WDR27: variants seen among roughly 807,000 people sequenced by gnomAD.
WDR27 encodes WD repeat domain 27, also known as WD repeat-containing protein 27.
WDR27 carries 100 observed loss-of-function variants against 114.4 expected under a neutral mutation model. That is an observed-to-expected ratio of 0.87 (90% CI 0.74 to 1.03). The LOEUF is 1.03. Ranked by LOEUF, WDR27 falls within the 50% of genes least tolerant of loss-of-function variation. The pLI, the probability that WDR27 is intolerant of heterozygous loss-of-function variation, is 0.00. For synonymous variants in WDR27, 449 were observed against 423.1 expected (o/e 1.06, Z -0.75); for missense variants, 1,129 against 1,092.9 (o/e 1.03, Z -0.47).
At chr6:169,636,912 T>C (rs931023192) in intron 18 of WDR27, among the ~76,000 whole-genome samples, 3 of 152,198 alleles carry the variant, frequency 2.0e-5, no homozygotes, top group Non-Finnish European at 2.9e-5. Flanking sequence ...CTCAGCAAAC[T>C]CCTTCCTGAA....
intron 23 of WDR27, among the ~76,000 whole-genome samples, chr6:169,590,881 C>T (rs559728531): frequency 3.7e-4 from 56 of 152,294 alleles, no homozygotes; most frequent in Middle Eastern, 3.4e-3. Flanking sequence ...CTTATCCATT[C>T]CCCTGAGACG....
In WDR27 at chr6:169,640,410, A is replaced by G. The variant is rs899591619; in HGVS notation, c.1748-1750T>C. The stretch of plus-strand genomic sequence containing the variant: ...CAGGAAACGCAGAGCTGAAATTCAC[A>G]GCGCAGAAAAACGTGAAATAGCTTT... On this transcript the variant is annotated intron_variant, in intron 17 of 25. Coordinates refer to ENST00000448612, the MANE Select transcript of WDR27 (RefSeq NM_182552.5). 6.6e-5 allele frequency among the ~76,000 whole-genome samples: 10 copies of G among 152,270 alleles called. No homozygotes were observed. The South Asian group carries it at 1.2e-3, about 19-fold the overall frequency.
At position 169,496,968 on chromosome 6, in the gene WDR27, A is replaced by T. The variant is rs1447662644; in HGVS notation, c.2646-39334T>A. Among the ~76,000 whole-genome samples, 7 of 152,130 alleles carry T rather than the reference A, an allele frequency of 4.6e-5. No homozygotes were observed. The East Asian group carries it at 1.3e-3, about 29-fold the overall frequency. ...TAAAATTCAAATGGAGTCTCAAGAG[A>T]CTGTGAATAGCCAAAGCAATCTTGA... On this transcript the variant is annotated intron_variant, in intron 25 of 25. Transcript: ENST00000448612.
chr6:169,591,143 G>A (rs1024382220), intron 23 of WDR27, among the ~76,000 whole-genome samples: 2 of 152,082 alleles, frequency 1.3e-5, no homozygotes, highest in Non-Finnish European at 2.9e-5. Flanking sequence ...ATCATCACCT[G>A]TCTTTCTGAT....
intron 8 of WDR27, among the ~76,000 whole-genome samples, chr6:169,662,704 CACCCAGCA>C (rs1346568162): frequency 6.4e-5 from 9 of 139,562 alleles, no homozygotes; most frequent in African/African-American, 2.5e-4. Flanking sequence ...ACTAGGGTAA[CACCCAGCA>C]TGACGCGTGT....
chr6:169,647,650 C>G, intron 16 of WDR27, 123 bp downstream of exon 16: 1 of 942,640 alleles, frequency 1.1e-6, no homozygotes, highest in East Asian at 2.6e-5. Flanking sequence ...CATGCAACTT[C>G]AAGTAACCAA....
intron 25 of WDR27, among the ~76,000 whole-genome samples, chr6:169,516,788 A>ACACACACACAC (rs1491166898): frequency 8.4e-6 from 1 of 119,264 alleles, no homozygotes; most frequent in Admixed American, 8.9e-5. Flanking sequence ...GGCATGCTCC[A>ACACACACACAC]ACACACACAC....
chr6:169,580,968 T>TATATATATATATATAA (rs1803299302), intron 24 of WDR27, among the ~76,000 whole-genome samples: 1 of 147,588 alleles, frequency 6.8e-6, no homozygotes, highest in South Asian at 2.1e-4. Context: ...TATATATATA[T>TATATATATATATATAA]AAATTCGGTA....
chr6:169,561,434 C>A (rs1428750095), intron 25 of WDR27, among the ~76,000 whole-genome samples: 1 of 152,026 alleles, frequency 6.6e-6, no homozygotes, highest in African/African-American at 2.4e-5. Context: ...AATAATAGCA[C>A]CCAGCCTGGA....
Position 169,576,154 on chromosome 6 carries a change from T to C in WDR27, c.2524-3614A>G, listed in dbSNP as rs190362058. 6.3e-3 allele frequency among the ~76,000 whole-genome samples: 963 copies of C among 152,372 alleles called. 6 individuals are homozygous for C. The highest frequency in any genetic ancestry group is 6.9e-3 in the African/African-American group (286 of 41,592). On this transcript the variant is annotated intron_variant, in intron 24 of 25. Transcript: ENST00000448612. ...AATAACATTACAACATGAAATGTGG[T>C]AGAGTGTGTTCATGTTTGGAAATAT...
intron 21 of WDR27, among the ~76,000 whole-genome samples, chr6:169,617,433 T>C (rs149004407): frequency 2.3e-4 from 35 of 152,318 alleles, no homozygotes; most frequent in East Asian, 1.2e-3. Context: ...TGGAGTGCAA[T>C]GGCACGATCT....
At chr6:169,523,886 C>T (rs1473085020) in intron 25 of WDR27, among the ~76,000 whole-genome samples, 1 of 152,002 alleles carries the variant, frequency 6.6e-6, no homozygotes, top group African/African-American at 2.4e-5. Context: ...TGGAACAAAA[C>T]AAGAATCTCT....
At chr6:169,501,430 C>T (rs1031187978) in intron 25 of WDR27, among the ~76,000 whole-genome samples, 6 of 152,336 alleles carry the variant, frequency 3.9e-5, no homozygotes, top group Admixed American at 3.9e-4. Context: ...TGCTCCCAAC[C>T]TCACAGAGAG....
chr6:169,624,398 G>A (rs376590686), intron 21 of WDR27, among the ~76,000 whole-genome samples: 5 of 152,146 alleles, frequency 3.3e-5, no homozygotes, highest in African/African-American at 1.2e-4. Context: ...GAGATTCGAA[G>A]CTCACCAGAG....
chr6:169,462,394 G>A (rs1056709371), intron 25 of WDR27, among the ~76,000 whole-genome samples: 1 of 151,846 alleles, frequency 6.6e-6, no homozygotes, highest in African/African-American at 2.4e-5. Flanking sequence ...CTGAGATTGT[G>A]CCACTGCACT....
chr6:169,662,236 C>A lies in WDR27; in HGVS notation c.1025+68G>T. The stretch of plus-strand genomic sequence containing the variant: ...ATCTCAGTCATTCTTAGAAAATGAA[C>A]CTAATGTTCATCTAAGGAATTTAAG... On this transcript the variant is annotated intron_variant, in intron 9 of 25. Transcript: ENST00000448612. The A allele has an allele frequency of 4.5e-6, 7 of 1,558,662 alleles. No individual in the cohort carries two copies. The South Asian group carries it at 4.6e-5, about 10-fold the overall frequency.
chr6:169,504,073 A>G (rs532947603), intron 25 of WDR27, among the ~76,000 whole-genome samples: 1 of 152,200 alleles, frequency 6.6e-6, no homozygotes, highest in African/African-American at 2.4e-5. Context: ...ATGAGTGGAT[A>G]GATAAAAAGA....
At position 169,665,577 on chromosome 6, in the gene WDR27, A is replaced by G. The variant is rs560584054; in HGVS notation, c.713-21T>C. On this transcript the variant is annotated intron_variant, in intron 6 of 25. Transcript: ENST00000448612. ...ATATGCTGGTGAAAGGAACATCGGA[A>G]AATTTAGCTTTGTAAGTGCCTGGTA... 1.1e-5 allele frequency: 17 copies of G among 1,609,432 alleles called. No individual in the cohort carries two copies. In the East Asian group the frequency reaches 3.8e-4, roughly 36 times the overall value.
intron 2 of WDR27, among the ~76,000 whole-genome samples, chr6:169,683,829 C>CCCTGAG (rs1782196734): frequency 6.6e-6 from 1 of 152,232 alleles, no homozygotes; most frequent in South Asian, 2.1e-4. Context: ...TCCCTGCAAG[C>CCCTGAG]CCTGAGCCTA....
Sources: gnomAD v4.1 joint callset for allele counts (sites outside exome capture counted in the v4.1 genomes callset) on GRCh38, gnomAD v4.1.1 for gene constraint, MANE v1.5 for transcripts, NCBI Gene and HGNC (gene_info 2026-07-23, HGNC 2026-07-21) for gene names.